Variants in MTHFD2L observed in about 807,000 individuals in gnomAD.
The protein encoded by MTHFD2L is methylenetetrahydrofolate dehydrogenase (NADP+ dependent) 2 like.
Under a neutral mutation model 34.9 loss-of-function variants are expected in MTHFD2L, and 29 were observed. The observed-to-expected ratio is 0.83, with a 90% CI of 0.62 to 1.13. The LOEUF (loss-of-function observed/expected upper bound fraction) is 1.13, where lower values mean the gene tolerates loss of function less well. Among genes scored for constraint, MTHFD2L ranks in the 50% most tolerant of loss-of-function variants. The pLI is 0.00. For missense variants in MTHFD2L, 481 were observed against 446.5 expected (o/e 1.08, Z -0.70); for synonymous variants, 167 against 155.7 (o/e 1.07, Z -0.54).
At chr4:74,187,351 CAGG>C (rs1731489160) in intron 3 of MTHFD2L, among the ~76,000 whole-genome samples, 1 of 152,028 alleles carries the variant, frequency 6.6e-6, no homozygotes, top group Non-Finnish European at 1.5e-5. Flanking sequence ...TTTGGAATAG[CAGG>C]AGAAGAGAAA....
chr4:74,135,859 C>T (rs1402720337), intron 1 of MTHFD2L, among the ~76,000 whole-genome samples: 2 of 151,946 alleles, frequency 1.3e-5, no homozygotes, highest in South Asian at 2.1e-4. Context: ...TTAACAGAAT[C>T]GAGAATGAGA....
intron 1 of MTHFD2L, among the ~76,000 whole-genome samples, chr4:74,131,202 A>G (rs1225072467): frequency 6.6e-6 from 1 of 152,200 alleles, no homozygotes; most frequent in Non-Finnish European, 1.5e-5. Context: ...TCAAGCTACC[A>G]TTGACTTTCT....
At chr4:74,159,575 A>G (rs1038973848) in intron 1 of MTHFD2L, among the ~76,000 whole-genome samples, 3 of 152,326 alleles carry the variant, frequency 2.0e-5, no homozygotes, top group South Asian at 2.1e-4. Context: ...CCATCTCCCC[A>G]TCTTCTCCAT....
intron 6 of MTHFD2L, among the ~76,000 whole-genome samples, chr4:74,252,652 G>A (rs1475872280): frequency 1.3e-5 from 2 of 152,022 alleles, no homozygotes; most frequent in Non-Finnish European, 2.9e-5. Context: ...ATAGCAATAT[G>A]AACACAACAG....
At chr4:74,157,740 C>T (rs79204847), upstream of MTHFD2L, 38 of 469,272 alleles carry the variant, frequency 8.1e-5, no homozygotes, top group Admixed American at 8.9e-4. Context: ...CACGTAGTCA[C>T]GGAGACTGTT....
intron 1 of MTHFD2L, chr4:74,164,942 A>G: frequency 1.6e-5 from 16 of 984,682 alleles, no homozygotes; most frequent in Non-Finnish European, 1.9e-5. Flanking sequence ...CCTTTGTGGG[A>G]AACCACCTGA....
chr4:74,251,112 T>A (rs1743247009), intron 6 of MTHFD2L, among the ~76,000 whole-genome samples: 2 of 152,204 alleles, frequency 1.3e-5, no homozygotes, highest in Non-Finnish European at 2.9e-5. Flanking sequence ...AGATCTAAGA[T>A]GAACTCAGAC....
chr4:74,170,106 A>T (rs1727588253), intron 1 of MTHFD2L, among the ~76,000 whole-genome samples: 1 of 152,222 alleles, frequency 6.6e-6, no homozygotes, highest in Non-Finnish European at 1.5e-5. Flanking sequence ...TTTGAAGAGG[A>T]TAGAATTCTT....
chr4:74,299,234 G>GCACTT (rs1263404673), intron 7 of MTHFD2L, among the ~76,000 whole-genome samples: 1 of 151,690 alleles, frequency 6.6e-6, no homozygotes, highest in Admixed American at 6.6e-5. Context: ...GATTCAATTT[G>GCACTT]CACTTGATTT....
At chr4:74,180,655 A>G (rs561583) in intron 3 of MTHFD2L, 446,289 of 448,070 alleles carry the variant, frequency 1, 222,284 homozygotes, top group East Asian at 1. Context: ...TGGTACTGGG[A>G]CTGTCACAAG....
upstream of MTHFD2L, among the ~76,000 whole-genome samples, chr4:74,120,563 C>A (rs1417533555): frequency 6.6e-6 from 1 of 152,192 alleles, no homozygotes; most frequent in Non-Finnish European, 1.5e-5. Context: ...AATGAGGTCA[C>A]TTCTGAATGT....
intron 1 of MTHFD2L, chr4:74,143,370 G>A (rs938495483): frequency 2.0e-6 from 2 of 977,232 alleles, no homozygotes; most frequent in South Asian, 4.7e-5. Flanking sequence ...AAAAATATTT[G>A]TGACCTTATT....
chr4:74,291,233 T>C (rs1436975456), intron 7 of MTHFD2L, among the ~76,000 whole-genome samples: 2 of 151,734 alleles, frequency 1.3e-5, no homozygotes, highest in Non-Finnish European at 2.9e-5. Flanking sequence ...ACCAGGATGG[T>C]CTTGATCTCC....
At chr4:74,298,862 T>A (rs79637684) in intron 7 of MTHFD2L, among the ~76,000 whole-genome samples, 3,266 of 152,050 alleles carry the variant, frequency 0.021, 126 homozygotes, top group African/African-American at 0.075. Flanking sequence ...TGGAATGGGG[T>A]GAAATTATGG....
At chr4:74,253,152 C>T (rs1401178663) in intron 6 of MTHFD2L, among the ~76,000 whole-genome samples, 2 of 152,098 alleles carry the variant, frequency 1.3e-5, no homozygotes, top group African/African-American at 2.4e-5. Context: ...AAATTTCCAG[C>T]TATATAAGGA....
chr4:74,211,358 A>G (rs1177663433), intron 5 of MTHFD2L, among the ~76,000 whole-genome samples: 1 of 152,164 alleles, frequency 6.6e-6, no homozygotes, highest in Non-Finnish European at 1.5e-5. Flanking sequence ...GATACGTTCC[A>G]TCAATATCTA....
At chr4:74,131,945 T>TA in intron 1 of MTHFD2L, among the ~76,000 whole-genome samples, 1 of 152,224 alleles carries the variant, frequency 6.6e-6, no homozygotes, top group South Asian at 2.1e-4. Context: ...AGACACTTCT[T>TA]AAAAGAAGAC....
At chr4:74,168,977 T>C (rs1161167059) in intron 1 of MTHFD2L, among the ~76,000 whole-genome samples, 1 of 152,228 alleles carries the variant, frequency 6.6e-6, no homozygotes, top group African/African-American at 2.4e-5. Context: ...CACTCTCTCA[T>C]TGGACCTGCA....
chr4:74,152,163 A>G (rs1226337820), intron 1 of MTHFD2L, among the ~76,000 whole-genome samples: 1 of 151,972 alleles, frequency 6.6e-6, no homozygotes, highest in Admixed American at 6.6e-5. Flanking sequence ...ATATTGTTCA[A>G]TAGTTTTCTT....
Sources: gnomAD v4.1 joint callset for allele counts (sites outside exome capture counted in the v4.1 genomes callset) on GRCh38, gnomAD v4.1.1 for gene constraint, MANE v1.5 for transcripts, NCBI Gene and HGNC (gene_info 2026-07-23, HGNC 2026-07-21) for gene names.